The following ELAPOR2 variants were observed in gnomAD, a reference collection of about 807,000 sequenced individuals.
ELAPOR2 encodes the protein endosome-lysosome associated apoptosis and autophagy regulator family member 2.
In ELAPOR2, 89 loss-of-function variants were observed where a neutral mutation model predicts 120.7. That is an observed-to-expected ratio of 0.74 (90% CI 0.62 to 0.88). The LOEUF is 0.88. Ranked by LOEUF, ELAPOR2 falls within the 40% of genes least tolerant of loss-of-function variation. The pLI, the probability that ELAPOR2 is intolerant of heterozygous loss-of-function variation, is 0.00. For missense variants in ELAPOR2, 1,134 were observed against 1,251.6 expected (o/e 0.91, Z 1.42); for synonymous variants, 444 against 444.9 (o/e 1.00, Z 0.03).
intron 19 of ELAPOR2, among the ~76,000 whole-genome samples, chr7:86,896,369 A>G (rs1051260321): frequency 7.2e-5 from 11 of 152,066 alleles, no homozygotes; most frequent in African/African-American, 2.7e-4. Flanking sequence ...GAAAAACACC[A>G]ACTTAGAGAA....
At chr7:86,943,941 AGT>A (rs2116361602) in intron 4 of ELAPOR2, among the ~76,000 whole-genome samples, 1 of 152,214 alleles carries the variant, frequency 6.6e-6, no homozygotes, top group African/African-American at 2.4e-5. Context: ...GCTCAATAAC[AGT>A]GTTAACAATT....
Position 86,897,490 on chromosome 7 carries a change from A to T in ELAPOR2, c.2685+16T>A. 1 of 1,609,112 alleles carries T rather than the reference A, an allele frequency of 6.2e-7. No homozygotes were observed. Among genetic ancestry groups the T allele is most frequent in the Admixed American group, 1.7e-5 (1 of 59,402 alleles). On this transcript the variant is annotated intron_variant, in intron 19 of 21. Coordinates refer to ENST00000450689, the MANE Select transcript of ELAPOR2 (RefSeq NM_001142749.3). ...ACTATAATGCCGAAGCTCTGCCTTGAGAGTTTATCCCTTACCTGAAATCCT... is the reference window on the plus strand; with the variant it reads ...ACTATAATGCCGAAGCTCTGCCTTGTGAGTTTATCCCTTACCTGAAATCCT...
intron 1 of ELAPOR2, among the ~76,000 whole-genome samples, chr7:87,040,006 G>C (rs1410605644): frequency 6.6e-6 from 1 of 152,218 alleles, no homozygotes; most frequent in Non-Finnish European, 1.5e-5. Flanking sequence ...AGAAAGGGGT[G>C]ACGGACGGCA....
intron 8 of ELAPOR2, among the ~76,000 whole-genome samples, chr7:86,930,836 T>C (rs1790294325): frequency 6.6e-6 from 1 of 151,926 alleles, no homozygotes; most frequent in Non-Finnish European, 1.5e-5. Flanking sequence ...TTCACCAGAG[T>C]TCTTCTTTTC....
Position 87,016,629 on chromosome 7 carries a change from C to T in ELAPOR2, c.189+42696G>A, listed in dbSNP as rs115156431. Among the ~76,000 whole-genome samples, 306 of 150,476 alleles carry T rather than the reference C, an allele frequency of 2.0e-3. 4 individuals carry two copies. The highest frequency in any genetic ancestry group is 7.2e-3 in the African/African-American group (298 of 41,198). ...ACTGACCATACTGAAGTATTTGCCA[C>T]ATCCAGTTCCGTAACTATACGGAGT... On this transcript the variant is annotated intron_variant, in intron 1 of 21. Transcript: ENST00000450689.
Position 86,982,417 on chromosome 7 carries a change from C to A in ELAPOR2, c.190-17393G>T, listed in dbSNP as rs568383478. ...GGAGATACCTCCCAGTAGGGGCCGA[C>A]TGACACCTCATATAGGTGGGTGCCC... is the stretch of plus-strand genomic sequence containing the variant. On this transcript the variant is annotated intron_variant, in intron 1 of 21. Transcript: ENST00000450689. Among the ~76,000 whole-genome samples, 5 of 152,354 alleles carry A rather than the reference C, an allele frequency of 3.3e-5. No homozygotes were observed. The East Asian group carries it at 7.7e-4, about 24-fold the overall frequency.
At position 86,986,361 on chromosome 7, in the gene ELAPOR2, G is replaced by A. The variant is rs1481127091; in HGVS notation, c.190-21337C>T. Among the ~76,000 whole-genome samples the A allele has an allele frequency of 2.9e-4, 33 of 112,790 alleles. 10 individuals are homozygous for A. The highest frequency in any genetic ancestry group is 8.1e-3 in the Middle Eastern group (2 of 248). The allele number at this position is 112,790 out of a possible 152,430, so 74.0% of individuals were successfully genotyped here. A position where few individuals can be genotyped will look rare whatever the true frequency, so the allele number is the denominator to read the frequency against. Reference sequence around the variant, plus strand: ...GGAGAATGGCGTGAACCCGGGAGGCGGAGCTTGCAGTGAGCCGAGATCCCG... The same window carrying A: ...GGAGAATGGCGTGAACCCGGGAGGCAGAGCTTGCAGTGAGCCGAGATCCCG... On this transcript the variant is annotated intron_variant, in intron 1 of 21. Transcript: ENST00000450689.
intron 10 of ELAPOR2, among the ~76,000 whole-genome samples, chr7:86,922,327 A>G (rs962230300): frequency 4.0e-5 from 6 of 151,798 alleles, no homozygotes; most frequent in African/African-American, 1.4e-4. Context: ...AGTGAATCTC[A>G]TATTTTCCAT....
chr7:87,034,069 C>T (rs1394288731), intron 1 of ELAPOR2, among the ~76,000 whole-genome samples: 2 of 151,838 alleles, frequency 1.3e-5, no homozygotes, highest in African/African-American at 4.8e-5. Context: ...TTTTTAAATG[C>T]CAAAAAACAT....
chr7:86,912,313 A>C (rs2116087605), intron 14 of ELAPOR2, 68 bp from the exon 15 acceptor site: 2 of 1,065,120 alleles, frequency 1.9e-6, no homozygotes, highest in Middle Eastern at 5.1e-4. Context: ...AATGTGTTTG[A>C]AAAAAGTTCT....
At chr7:86,943,006 T>A (rs1481837038) in intron 4 of ELAPOR2, among the ~76,000 whole-genome samples, 1 of 152,040 alleles carries the variant, frequency 6.6e-6, no homozygotes, top group African/African-American at 2.4e-5. Flanking sequence ...TAGACCCTAT[T>A]GCCATCCAAA....
At chr7:87,038,828 C>G (rs775940120) in intron 1 of ELAPOR2, among the ~76,000 whole-genome samples, 3 of 150,510 alleles carry the variant, frequency 2.0e-5, no homozygotes, top group Non-Finnish European at 4.4e-5. Flanking sequence ...GTGTCTACAT[C>G]AAAAAAGAAA....
chr7:86,912,024 A>T, intron 15 of ELAPOR2, 48 bp downstream of exon 15: 1 of 1,536,694 alleles, frequency 6.5e-7, no homozygotes, highest in Non-Finnish European at 8.9e-7. Context: ...TATCAACTTG[A>T]TCGGAGCTGA....
chr7:86,909,914 C>T lies in ELAPOR2; in HGVS notation c.2257G>A (p.Val753Ile), dbSNP rs780292886. 8 of 1,613,162 alleles carry T rather than the reference C, an allele frequency of 5.0e-6. No individual in the cohort carries two copies. The East Asian group carries it at 8.9e-5, about 18-fold the overall frequency. The change falls in exon 16 of 22, where the codon GTA becomes ATA. Residue 753 changes from valine (V) to isoleucine (I), a missense_variant. This residue lies in a region of ELAPOR2 where 831 missense variants were observed against 867.6 expected (regional missense o/e 0.96). Coordinates refer to ENST00000450689, the MANE Select transcript of ELAPOR2 (RefSeq NM_001142749.3). ...VAGSDDYTNL[V>I]GAFVCQSTII... ...GTTGACTGGCATACAAATGCCCCTA[C>T]CAAATTTGTGTAATCATCTGACCCT...
chr7:86,985,277 G>A (rs1364992073), intron 1 of ELAPOR2, among the ~76,000 whole-genome samples: 1 of 152,180 alleles, frequency 6.6e-6, no homozygotes, highest in East Asian at 1.9e-4. Context: ...AGAGGAGCTG[G>A]TGCCATTCCT....
intron 1 of ELAPOR2, among the ~76,000 whole-genome samples, chr7:87,003,799 A>C (rs1793390503): frequency 6.6e-6 from 1 of 152,184 alleles, no homozygotes; most frequent in African/African-American, 2.4e-5. Flanking sequence ...GCCTTATTTT[A>C]AAATAAAGAA....
intron 18 of ELAPOR2, among the ~76,000 whole-genome samples, chr7:86,898,868 G>A (rs911598470): frequency 6.6e-6 from 1 of 152,258 alleles, no homozygotes; most frequent in East Asian, 1.9e-4. Context: ...AGGTACTTTA[G>A]GGAATAGAAT....
chr7:86,985,050 T>A, intron 1 of ELAPOR2, among the ~76,000 whole-genome samples: 1 of 152,064 alleles, frequency 6.6e-6, no homozygotes, highest in East Asian at 1.9e-4. Flanking sequence ...AAGAATATTA[T>A]AAACACCTGT....
At chr7:87,048,906 A>G (rs913872483) in intron 1 of ELAPOR2, among the ~76,000 whole-genome samples, 2 of 152,230 alleles carry the variant, frequency 1.3e-5, no homozygotes, top group Non-Finnish European at 2.9e-5. Flanking sequence ...CTTTTCTGCT[A>G]CAAGTAATCA....
Sources: allele counts gnomAD v4.1 joint callset (sites outside exome capture counted in the v4.1 genomes callset), GRCh38; gene constraint gnomAD v4.1.1; regional missense constraint gnomAD v4.1.1; transcripts MANE v1.5; gene names NCBI Gene and HGNC (gene_info 2026-07-23, HGNC 2026-07-21).